The following TUSC3 variants were observed in gnomAD, a reference collection of about 807,000 sequenced individuals.
TUSC3 encodes tumor suppressor candidate 3, also known as dolichyl-diphosphooligosaccharide--protein glycosyltransferase subunit TUSC3.
Under a neutral mutation model 44.8 loss-of-function variants are expected in TUSC3, and 45 were observed. That is an observed-to-expected ratio of 1.00 (90% CI 0.79 to 1.29). The LOEUF is 1.29. Among genes scored for constraint, TUSC3 ranks in the 50% most tolerant of loss-of-function variants. The pLI is 0.00. For synonymous variants in TUSC3, 212 were observed against 152.9 expected (o/e 1.39, Z -2.85); for missense variants, 519 against 437.9 (o/e 1.19, Z -1.65).
rs1800771075 is a variant in TUSC3, at chr8:15,488,964, C to T, written n.189+5481C>T. On this transcript the variant is annotated intron_variant and non_coding_transcript_variant, in intron 2 of 5. Coordinates refer to the TUSC3 transcript ENST00000503191. ...GCTGACTTTGACCTTCCCCAGTAAT[C>T]TCAGTCTCTTGGCTATTCAGGATAG... is the stretch of plus-strand genomic sequence containing the variant. Among the ~76,000 whole-genome samples the T allele has an allele frequency of 3.3e-5, 5 of 152,162 alleles. 1 individual carries two copies. In the South Asian group the frequency reaches 1.0e-3, roughly 32 times the overall value.
At chr8:15,803,032 CAG>C in the TUSC3 span, among the ~76,000 whole-genome samples, 1 of 152,068 alleles carries the variant, frequency 6.6e-6, no homozygotes, top group Non-Finnish European at 1.5e-5. Flanking sequence ...TCAAAGAAGA[CAG>C]AGAATTAAAT....
intron 1 of TUSC3, among the ~76,000 whole-genome samples, chr8:15,439,493 G>C (rs566405574): frequency 5.3e-5 from 8 of 152,302 alleles, no homozygotes; most frequent in Admixed American, 5.2e-4. Context: ...GGAGGTTGAG[G>C]CTGAAGTGAA....
chr8:15,621,269 C>T (rs937333465), intron 1 of TUSC3, among the ~76,000 whole-genome samples: 28 of 151,480 alleles, frequency 1.8e-4, no homozygotes, highest in African/African-American at 6.8e-4. Context: ...ATACTGGAGA[C>T]TTTAAAACTT....
chr8:15,693,722 G>A (rs1809023780), intron 6 of TUSC3, among the ~76,000 whole-genome samples: 1 of 152,002 alleles, frequency 6.6e-6, no homozygotes, highest in Non-Finnish European at 1.5e-5. Flanking sequence ...TTTCACGGAT[G>A]ATATTCTGAA....
At chr8:15,846,713 C>A in the TUSC3 span, among the ~76,000 whole-genome samples, 1 of 151,912 alleles carries the variant, frequency 6.6e-6, no homozygotes, top group African/African-American at 2.4e-5. Context: ...ACATCAGGGC[C>A]TGTGGTGGGG....
At chr8:15,505,193 G>T (rs1015201917) in intron 2 of TUSC3, among the ~76,000 whole-genome samples, 1 of 152,100 alleles carries the variant, frequency 6.6e-6, no homozygotes, top group Admixed American at 6.5e-5. Flanking sequence ...AGATGACTCA[G>T]GTTATTTGCC....
At chr8:15,426,956 C>G (rs2129116216) in intron 1 of TUSC3, among the ~76,000 whole-genome samples, 2 of 152,246 alleles carry the variant, frequency 1.3e-5, no homozygotes, top group Middle Eastern at 3.4e-3. Context: ...TTGCATTTCC[C>G]TGAGCATTAG....
rs557028970 is a variant in TUSC3 at position 15,764,325 on chromosome 8, C to G, written c.*169C>G. The G allele has an allele frequency of 2.4e-6, 3 of 1,226,796 alleles. No homozygotes were observed. Among genetic ancestry groups the G allele is most frequent in the Non-Finnish European group, 3.5e-6 (3 of 864,102 alleles). 76.0% of individuals were successfully genotyped at this position (1,226,796 alleles called of 1,614,324 possible). A position where few individuals can be genotyped will look rare whatever the true frequency, so the allele number is the denominator to read the frequency against. ...TTTCATTGTGATCAGCTAGCTTATT[C>G]TTGTGTACTTTTTTTAAACTGTGGG... is the stretch of plus-strand genomic sequence containing the variant. On this transcript the variant is annotated 3_prime_UTR_variant, in exon 11 of 11. Coordinates refer to ENST00000503731, the MANE Select transcript of TUSC3 (RefSeq NM_006765.4).
At chr8:15,659,359 C>G in intron 3 of TUSC3, 148 bp from the exon 4 acceptor site, 1 of 942,678 alleles carries the variant, frequency 1.1e-6, no homozygotes, top group Non-Finnish European at 1.6e-6. Flanking sequence ...TGAATTAAGA[C>G]AAATAAAAAC....
At chr8:15,574,962 AAGG>A (rs1442937147) in intron 1 of TUSC3, among the ~76,000 whole-genome samples, 5 of 152,094 alleles carry the variant, frequency 3.3e-5, no homozygotes, top group Non-Finnish European at 7.4e-5. Flanking sequence ...GGTTATTTTG[AAGG>A]AGAATAGAGA....
intron 1 of TUSC3, among the ~76,000 whole-genome samples, chr8:15,470,555 G>A (rs1165446778): frequency 6.6e-6 from 1 of 152,136 alleles, no homozygotes; most frequent in South Asian, 2.1e-4. Flanking sequence ...GGGACAGGAG[G>A]TATATGGGAA....
At chr8:15,491,771 A>T (rs994837150) in intron 2 of TUSC3, among the ~76,000 whole-genome samples, 1 of 152,206 alleles carries the variant, frequency 6.6e-6, no homozygotes, top group Non-Finnish European at 1.5e-5. Flanking sequence ...TGAAGAAAAC[A>T]GGCTGAACAC....
intron 1 of TUSC3, among the ~76,000 whole-genome samples, chr8:15,428,832 G>A (rs987953594): frequency 5.9e-5 from 9 of 151,852 alleles, no homozygotes; most frequent in African/African-American, 2.2e-4. Context: ...TTTTTTTCTT[G>A]TAAATTTGTT....
chr8:15,839,614 A>G, the TUSC3 span, among the ~76,000 whole-genome samples: 1 of 152,246 alleles, frequency 6.6e-6, no homozygotes, highest in Non-Finnish European at 1.5e-5. Flanking sequence ...CAGCCAACAG[A>G]TACATGACAA....
chr8:15,418,756 A>T (rs1799690672), intron 1 of TUSC3, among the ~76,000 whole-genome samples: 1 of 152,208 alleles, frequency 6.6e-6, no homozygotes, highest in Admixed American at 6.5e-5. Flanking sequence ...CTGTAACCTC[A>T]GCATTTTGGG....
At chr8:15,496,507 T>C (rs1253969729) in intron 2 of TUSC3, among the ~76,000 whole-genome samples, 1 of 152,230 alleles carries the variant, frequency 6.6e-6, no homozygotes, top group Non-Finnish European at 1.5e-5. Context: ...CAACCCCTTG[T>C]ATGCTGTCCT....
intron 7 of TUSC3, among the ~76,000 whole-genome samples, chr8:15,735,097 A>G (rs1263982665): frequency 6.6e-6 from 1 of 152,196 alleles, no homozygotes; most frequent in Non-Finnish European, 1.5e-5. Flanking sequence ...TAGTAGCGTC[A>G]TGCCTGTTTA....
At chr8:15,702,871 T>G (rs1809461474) in intron 6 of TUSC3, among the ~76,000 whole-genome samples, 1 of 152,184 alleles carries the variant, frequency 6.6e-6, no homozygotes, top group South Asian at 2.1e-4. Context: ...CCACTTGGTT[T>G]CAGCATTGCT....
chr8:15,583,634 G>A (rs1803472049), intron 1 of TUSC3, among the ~76,000 whole-genome samples: 1 of 152,172 alleles, frequency 6.6e-6, no homozygotes, highest in Non-Finnish European at 1.5e-5. Flanking sequence ...AGTGCAATTG[G>A]CTGCTTAGTG....
Sources: gnomAD v4.1 joint callset for allele counts (sites outside exome capture counted in the v4.1 genomes callset) on GRCh38, gnomAD v4.1.1 for gene constraint, MANE v1.5 for transcripts, NCBI Gene and HGNC (gene_info 2026-07-23, HGNC 2026-07-21) for gene names.